VAV3: variants seen among roughly 807,000 people sequenced by gnomAD.
The protein encoded by VAV3 is guanine nucleotide exchange factor VAV3.
Under a neutral mutation model 131.2 loss-of-function variants are expected in VAV3, and 94 were observed. The observed-to-expected ratio is 0.72, with a 90% CI of 0.61 to 0.85. The LOEUF (loss-of-function observed/expected upper bound fraction) is 0.85, where lower values mean the gene tolerates loss of function less well. Ranked by LOEUF, VAV3 falls within the 40% of genes least tolerant of loss-of-function variation. The pLI, the probability that VAV3 is intolerant of heterozygous loss-of-function variation, is 0.00. For missense variants in VAV3, 939 were observed against 1,002.7 expected (o/e 0.94, Z 0.86); for synonymous variants, 349 against 342.0 (o/e 1.02, Z -0.22).
intron 1 of VAV3, among the ~76,000 whole-genome samples, chr1:107,884,830 G>T (rs890211962): frequency 6.6e-6 from 1 of 151,972 alleles, no homozygotes; most frequent in Non-Finnish European, 1.5e-5. Context: ...AAGCTTGCAA[G>T]GTTCTCTACT....
intron 12 of VAV3, among the ~76,000 whole-genome samples, chr1:107,755,000 G>A (rs1240537398): frequency 6.6e-6 from 1 of 150,922 alleles, no homozygotes; most frequent in African/African-American, 2.4e-5. Context: ...TTTTTAAACT[G>A]TCTCCTCAAT....
chr1:107,779,341 T>C (rs1665551977), intron 3 of VAV3, 93 bp downstream of exon 3: 2 of 1,130,114 alleles, frequency 1.8e-6, no homozygotes, highest in African/African-American at 1.6e-5. Context: ...ACATAGTACC[T>C]GTGTGCAAGA....
chr1:107,887,337 TG>T (rs1671083542), intron 1 of VAV3, among the ~76,000 whole-genome samples: 1 of 152,238 alleles, frequency 6.6e-6, no homozygotes, highest in Admixed American at 6.5e-5. Context: ...CAGTGCATGT[TG>T]TTAAAAACAG....
chr1:107,625,547 A>C (rs1171598023), intron 20 of VAV3, among the ~76,000 whole-genome samples: 1 of 152,176 alleles, frequency 6.6e-6, no homozygotes, highest in Non-Finnish European at 1.5e-5. Context: ...GATTACAGGC[A>C]TGAGCCACTG....
At chr1:107,819,972 G>A (rs1667726408) in intron 2 of VAV3, among the ~76,000 whole-genome samples, 2 of 152,134 alleles carry the variant, frequency 1.3e-5, no homozygotes, top group South Asian at 4.1e-4. Context: ...TGCTGACGAG[G>A]ATATGGAGAA....
At chr1:107,959,470 T>C (rs949589946) in intron 1 of VAV3, among the ~76,000 whole-genome samples, 5 of 152,120 alleles carry the variant, frequency 3.3e-5, no homozygotes, top group Non-Finnish European at 2.9e-5. Flanking sequence ...AGGAAACTTA[T>C]ATTGTTTAAA....
intron 2 of VAV3, among the ~76,000 whole-genome samples, chr1:107,840,897 G>A (rs1211633576): frequency 1.3e-5 from 2 of 151,596 alleles, no homozygotes; most frequent in Non-Finnish European, 2.9e-5. Flanking sequence ...CTGAGCAAGG[G>A]ATCAACATGT....
At chr1:107,836,556 G>C (rs984701952) in intron 2 of VAV3, among the ~76,000 whole-genome samples, 3 of 151,936 alleles carry the variant, frequency 2.0e-5, no homozygotes, top group African/African-American at 4.8e-5. Context: ...ACTAGCAGAA[G>C]AAAAGAAATA....
chr1:107,710,419 T>C (rs1220077131), intron 15 of VAV3, among the ~76,000 whole-genome samples: 1 of 152,168 alleles, frequency 6.6e-6, no homozygotes, highest in African/African-American at 2.4e-5. Context: ...ATACATCGAT[T>C]TATAAAAATG....
At chr1:107,711,242 C>T (rs1006940700) in intron 15 of VAV3, among the ~76,000 whole-genome samples, 2 of 152,162 alleles carry the variant, frequency 1.3e-5, no homozygotes, top group African/African-American at 4.8e-5. Context: ...GTGTAAGTTT[C>T]TAATGCTCTC....
At chr1:107,611,770 C>T (rs554476012) in intron 21 of VAV3, among the ~76,000 whole-genome samples, 4 of 152,214 alleles carry the variant, frequency 2.6e-5, no homozygotes, top group Admixed American at 2.6e-4. Flanking sequence ...GCTGTTCCAC[C>T]CTGGTGTCCC....
intron 19 of VAV3, chr1:107,677,946 A>C (rs1249429324): frequency 6.6e-6 from 1 of 152,174 alleles, no homozygotes; most frequent in Non-Finnish European, 1.5e-5. Context: ...GGGGAGAAAT[A>C]AATCCTCCTC....
chr1:107,619,694 G>A (rs555251881), intron 20 of VAV3, among the ~76,000 whole-genome samples: 1 of 152,170 alleles, frequency 6.6e-6, no homozygotes, highest in Non-Finnish European at 1.5e-5. Flanking sequence ...TTTCCAAAGT[G>A]TATTTGAAGG....
chr1:107,658,511 G>C (rs1430175688), intron 19 of VAV3, among the ~76,000 whole-genome samples: 1 of 152,016 alleles, frequency 6.6e-6, no homozygotes, highest in Non-Finnish European at 1.5e-5. Context: ...CTAGATCCCT[G>C]AGGAATCGCC....
intron 15 of VAV3, among the ~76,000 whole-genome samples, chr1:107,738,277 A>C (rs976147076): frequency 6.6e-6 from 1 of 152,240 alleles, no homozygotes; most frequent in African/African-American, 2.4e-5. Flanking sequence ...TGGGTGCAGC[A>C]AACCAACATG....
chr1:107,597,991 C>A (rs376346063), intron 24 of VAV3, among the ~76,000 whole-genome samples: 2 of 152,116 alleles, frequency 1.3e-5, no homozygotes, highest in African/African-American at 4.8e-5. Context: ...ACATAGCTAG[C>A]GCCTTTATCC....
intron 2 of VAV3, among the ~76,000 whole-genome samples, chr1:107,827,219 G>T (rs1668054442): frequency 6.6e-6 from 1 of 152,118 alleles, no homozygotes; most frequent in Non-Finnish European, 1.5e-5. Flanking sequence ...TAACATGAAA[G>T]AACTACTTAC....
At chr1:107,824,785 G>A in intron 2 of VAV3, among the ~76,000 whole-genome samples, 1 of 151,830 alleles carries the variant, frequency 6.6e-6, no homozygotes, top group Non-Finnish European at 1.5e-5. Context: ...ATAACTAAGT[G>A]GTTAGTCACA....
chr1:107,772,674 G>A, intron 5 of VAV3, 61 bp downstream of exon 5: 4 of 1,374,616 alleles, frequency 2.9e-6, no homozygotes, highest in Non-Finnish European at 4.1e-6. Flanking sequence ...AAATTATTAT[G>A]TTAATTAGCC....
Sources: gnomAD v4.1 joint callset for allele counts (sites outside exome capture counted in the v4.1 genomes callset) on GRCh38, gnomAD v4.1.1 for gene constraint, MANE v1.5 for transcripts, NCBI Gene and HGNC (gene_info 2026-07-23, HGNC 2026-07-21) for gene names.